LAP3: variants seen among roughly 807,000 people sequenced by gnomAD.
LAP3 encodes the protein cytosol aminopeptidase.
A neutral mutation model predicts 58.8 loss-of-function variants in LAP3; 46 were observed. The ratio of observed to expected loss-of-function variants is 0.78; its 90% CI spans 0.62 to 1.00. The LOEUF is 1.00. Among genes scored for constraint, LAP3 ranks in the 50% least tolerant of loss-of-function variants. LAP3 has a pLI of 0.00. For missense variants in LAP3, 615 were observed against 659.1 expected (o/e 0.93, Z 0.73); for synonymous variants, 257 against 237.7 (o/e 1.08, Z -0.75).
Position 17,581,760 on chromosome 4 carries a change from A to G in LAP3, c.219A>G (p.Ile73Met), listed in dbSNP as rs1370207067. Residue 73 changes from isoleucine (I) to methionine (M), a missense_variant and splice_region_variant, in exon 3 of 13, where the codon ATA (isoleucine) becomes ATG (methionine). Physicochemically the swap from Ile to Met is conservative, Grantham distance 10. Transcript: ENST00000226299. ...LAGKLRETLN[I>M]SGPPLKAGKT... ...AAACGACTATTTCCTCTTGTTTTAG[A>G]TCTGGACCACCTCTGAAGGCAGGGA... The G allele has an allele frequency of 1.2e-6, 2 of 1,613,344 alleles. No individual in the cohort carries two copies. The highest frequency in any genetic ancestry group is 1.7e-5 in the Admixed American group (1 of 59,944).
At chr4:17,598,653 T>A (rs1713893363) in intron 10 of LAP3, 95 bp downstream of exon 10, 1 of 881,906 alleles carries the variant, frequency 1.1e-6, no homozygotes, top group African/African-American at 1.7e-5. Flanking sequence ...TTTGCTAAAA[T>A]TTGGCTTGGT....
chr4:17,597,102 G>GTT lies in LAP3; in HGVS notation c.1046_1047dup (p.Val350LeufsTer44). 1.2e-6 allele frequency: 2 copies of GTT among 1,614,244 alleles called. No homozygotes were observed. The highest frequency in any genetic ancestry group is 1.7e-6 in the Non-Finnish European group (2 of 1,180,042). On this transcript the variant is annotated frameshift_variant, in exon 9 of 13. Coordinates refer to ENST00000226299, the MANE Select transcript of LAP3 (RefSeq NM_015907.3). LOFTEE classifies it high-confidence loss of function. Reference sequence around the variant, plus strand: ...CGGCAAGGCCAACAAGCCGGGGGATGTTGTTAGAGCCAAAAACGGGAAGAC... The same window carrying GTT: ...CGGCAAGGCCAACAAGCCGGGGGATGTTTTGTTAGAGCCAAAAACGGGAAGAC...
rs753162970 is a variant in LAP3, at chr4:17,579,949, GC to G, written c.218+11del. 2.0e-6 allele frequency: 3 copies of G among 1,477,646 alleles called. No homozygotes were observed. The allele number at this position is 1,477,646 out of a possible 1,614,324, so 91.5% of individuals were successfully genotyped here. ...GAGAGACTTTGAACATGTAAGTGTT[GC>G]TTGTGGGCTCTAGTTCTTAAAGTGC... is the stretch of plus-strand genomic sequence containing the variant. On this transcript the variant is annotated intron_variant, in intron 2 of 12. Coordinates refer to ENST00000226299, the MANE Select transcript of LAP3 (RefSeq NM_015907.3).
Position 17,584,843 on chromosome 4 carries a change from G to A in LAP3, c.540-129G>A, listed in dbSNP as rs532900875. 2.8e-4 allele frequency: 241 copies of A among 855,178 alleles called. 1 individual carries two copies. Among genetic ancestry groups the A allele is most frequent in the Non-Finnish European group, 3.9e-4 (219 of 567,246 alleles). The allele number at this position is 855,178 out of a possible 1,614,324, so 53.0% of individuals were successfully genotyped here. On this transcript the variant is annotated intron_variant, in intron 5 of 12. Coordinates refer to ENST00000226299, the MANE Select transcript of LAP3 (RefSeq NM_015907.3). ...ATCACAAAAAATGAATCCAGGTCCT[G>A]TGTGCCAATTGTTTTTGATTTGTAG...
chr4:17,579,950 C>T lies in LAP3; in HGVS notation c.218+11C>T. On this transcript the variant is annotated intron_variant, in intron 2 of 12. Transcript: ENST00000226299. ...AGAGACTTTGAACATGTAAGTGTTG[C>T]TTGTGGGCTCTAGTTCTTAAAGTGC... 6.8e-7 allele frequency: 1 copy of T among 1,460,640 alleles called. No individual in the cohort carries two copies. Among genetic ancestry groups the T allele is most frequent in the East Asian group, 2.3e-5 (1 of 43,636 alleles). 90.5% of individuals were successfully genotyped at this position (1,460,640 alleles called of 1,614,324 possible).
chr4:17,602,335 A>G (rs1463273617), intron 10 of LAP3, among the ~76,000 whole-genome samples: 2 of 152,174 alleles, frequency 1.3e-5, no homozygotes, highest in Non-Finnish European at 2.9e-5. Flanking sequence ...ATAACAAATG[A>G]GATTACTAGG....
chr4:17,604,040 C>T (rs919656450), intron 10 of LAP3, among the ~76,000 whole-genome samples: 3 of 151,704 alleles, frequency 2.0e-5, no homozygotes, highest in Non-Finnish European at 2.9e-5. Flanking sequence ...AGGCTGGTCT[C>T]GAACTCCTGA....
chr4:17,596,586 G>T (rs1319400919), intron 8 of LAP3, among the ~76,000 whole-genome samples: 1 of 152,078 alleles, frequency 6.6e-6, no homozygotes, highest in Non-Finnish European at 1.5e-5. Flanking sequence ...TGATCTGCCC[G>T]CCTTGGCCTC....
rs376894346 is a variant in LAP3 at position 17,584,998 on chromosome 4, G to A, written c.566G>A (p.Gly189Glu). 5.6e-6 allele frequency: 9 copies of A among 1,613,934 alleles called. No individual in the cohort carries two copies. Among genetic ancestry groups the A allele is most frequent in the Non-Finnish European group, 7.6e-6 (9 of 1,179,978 alleles). Residue 189 changes from glycine (G) to glutamate (E), a missense_variant, in exon 6 of 13, where the codon GGA becomes GAA. Physicochemically the swap from Gly to Glu is moderately conservative, Grantham distance 98. Transcript: ENST00000226299. ...GGGGATCAGGAGGCCTGGCAGAAAG[G>A]AGTCCTGTTTGCTTCTGGGCAGAAC... Reference protein sequence around the residue: ...GSGDQEAWQKGVLFASGQNLA... With the variant: ...GSGDQEAWQKEVLFASGQNLA...
Position 17,607,578 on chromosome 4 carries a change from G to C in LAP3, c.1549G>C (p.Asp517His). ...TGAGTTCTTACTTCGTTTCAGTCAA[G>C]ACAATGCTTAGTTCAGATACTCAAA... ...LIEFLLRFSQ[D>H]NA The change falls in exon 13 of 13, where the codon GAC becomes CAC. Residue 517 changes from aspartate (D) to histidine (H), a missense_variant. Physicochemically the swap from Asp to His is moderately conservative, Grantham distance 81. Transcript: ENST00000226299. 6.2e-7 allele frequency: 1 copy of C among 1,611,976 alleles called. No homozygotes were observed. Among genetic ancestry groups the C allele is most frequent in the African/African-American group, 1.3e-5 (1 of 74,998 alleles).
intron 10 of LAP3, among the ~76,000 whole-genome samples, chr4:17,599,859 CT>C (rs1713943090): frequency 2.0e-5 from 3 of 152,178 alleles, no homozygotes; most frequent in Non-Finnish European, 4.4e-5. Flanking sequence ...AGCTGTGCCA[CT>C]TACTAGTCAG....
At chr4:17,580,855 C>A (rs183091860) in intron 2 of LAP3, among the ~76,000 whole-genome samples, 1 of 152,314 alleles carries the variant, frequency 6.6e-6, no homozygotes, top group East Asian at 1.9e-4. Context: ...TCCATGTAAA[C>A]CACTGCAACT....
intron 12 of LAP3, 143 bp from the exon 13 acceptor site, chr4:17,607,257 G>T: frequency 1.6e-6 from 1 of 644,586 alleles, no homozygotes; most frequent in Non-Finnish European, 2.7e-6. Flanking sequence ...TAAATATTCT[G>T]AAACTGATAT....
rs200026136 is a variant in LAP3, at chr4:17,604,709, A to G, written c.1260+42A>G. 32 of 1,400,010 alleles carry G rather than the reference A, an allele frequency of 2.3e-5. No homozygotes were observed. The African/African-American group carries it at 4.2e-4, about 19-fold the overall frequency. The allele number at this position is 1,400,010 out of a possible 1,614,324, so 86.7% of individuals were successfully genotyped here. ...TATATCTAAATTGTAGAGATGGTGA[A>G]TAAATTATTCTAGCCTTAGAAGGAT... On this transcript the variant is annotated intron_variant, in intron 11 of 12. Coordinates refer to ENST00000226299, the MANE Select transcript of LAP3 (RefSeq NM_015907.3).
At chr4:17,583,206 A>C (rs1713409820) in intron 4 of LAP3, among the ~76,000 whole-genome samples, 1 of 152,188 alleles carries the variant, frequency 6.6e-6, no homozygotes, top group African/African-American at 2.4e-5. Flanking sequence ...CCTAGGAATA[A>C]TTGCCACTTC....
chr4:17,607,515 C>A lies in LAP3; in HGVS notation c.1486C>A (p.Arg496=). The A allele has an allele frequency of 6.2e-7, 1 of 1,614,064 alleles. No individual in the cohort carries two copies. The highest frequency in any genetic ancestry group is 8.5e-7 in the Non-Finnish European group (1 of 1,180,004). Residue 496 remains arginine (R), a synonymous_variant, in exon 13 of 13, where the codon CGG becomes AGG. Transcript: ENST00000226299. Reference sequence around the variant, plus strand: ...CAACAAAGATGAAGTTCCCTATCTACGGAAAGGCATGACTGGGAGGCCCAC... The same window carrying A: ...CAACAAAGATGAAGTTCCCTATCTAAGGAAAGGCATGACTGGGAGGCCCAC... ...MTNKDEVPYL[R]KGMTGRPTRT...
In LAP3 at chr4:17,596,283, A is replaced by G. The variant is rs185012735; in HGVS notation, c.988+749A>G. Among the ~76,000 whole-genome samples, 9 of 152,288 alleles carry G rather than the reference A, an allele frequency of 5.9e-5. No homozygotes were observed. The East Asian group carries it at 1.7e-3, about 29-fold the overall frequency. On this transcript the variant is annotated intron_variant, in intron 8 of 12. Coordinates refer to ENST00000226299, the MANE Select transcript of LAP3 (RefSeq NM_015907.3). ...GAGGATTAATTCAGTAACCTAATTC[A>G]AGTTTCCAGTTGTGTAAAAAATGTC...
At chr4:17,593,797 G>C (rs1392611087) in intron 7 of LAP3, among the ~76,000 whole-genome samples, 1 of 151,702 alleles carries the variant, frequency 6.6e-6, no homozygotes, top group East Asian at 1.9e-4. Context: ...ATTTTTTATA[G>C]AGATGGGGTT....
Position 17,607,708 on chromosome 4 carries a change from G to T in LAP3, c.*119G>T. On this transcript the variant is annotated 3_prime_UTR_variant, in exon 13 of 13. Transcript: ENST00000226299. ...ACAAAGGATGGTATTTAAAAATGTA[G>T]AACACAATGAAATTTGTATGCCTTG... The T allele has an allele frequency of 1.4e-6, 1 of 731,216 alleles. No homozygotes were observed. The highest frequency in any genetic ancestry group is 2.1e-6 in the Non-Finnish European group (1 of 478,398). 45.3% of individuals were successfully genotyped at this position (731,216 alleles called of 1,614,324 possible). A position where few individuals can be genotyped will look rare whatever the true frequency, so the allele number is the denominator to read the frequency against.
Sources: allele counts gnomAD v4.1 joint callset (sites outside exome capture counted in the v4.1 genomes callset), GRCh38; gene constraint gnomAD v4.1.1; transcripts MANE v1.5; gene names NCBI Gene and HGNC (gene_info 2026-07-23, HGNC 2026-07-21).